The following PCDHGA11 variants were observed in gnomAD, a reference collection of about 807,000 sequenced individuals.
PCDHGA11 encodes protocadherin gamma subfamily A, 11.
A neutral mutation model predicts 60.4 loss-of-function variants in PCDHGA11; 39 were observed. That is an observed-to-expected ratio of 0.65 (90% CI 0.50 to 0.84). The LOEUF (loss-of-function observed/expected upper bound fraction) is 0.84. Ranked by LOEUF, PCDHGA11 falls within the 40% of genes least tolerant of loss-of-function variation. PCDHGA11 has a pLI of 0.00. For synonymous variants in PCDHGA11, 533 were observed against 510.3 expected, an observed-to-expected ratio of 1.04 and a Z score of -0.60; for missense variants, 1,165 against 1,197.7, an observed-to-expected ratio of 0.97 and a Z score of 0.40.
chr5:141,430,930 G>A, intron 1 of PCDHGA11: 2 of 1,607,320 alleles, frequency 1.2e-6, no homozygotes, highest in Non-Finnish European at 1.7e-6. Context: ...TGGAGCCCCG[G>A]GAGCTCGCGG....
At position 141,485,122 on chromosome 5, in the gene PCDHGA11, G is replaced by C. The variant is rs1000179570; in HGVS notation, c.2434-9685G>C. The stretch of plus-strand genomic sequence containing the variant: ...CAGCTGCTGTGGCTGTTTGGGGCGG[G>C]TCGGCTTCATCCGCGTCTCAGGAGC... On this transcript the variant is annotated intron_variant, in intron 1 of 3. Transcript: ENST00000398587. This position sits in a 1 kb window ranked among gnomAD's most constrained non-coding sequence, Gnocchi z 5.7. The C allele has an allele frequency of 4.3e-6, 6 of 1,387,506 alleles. No individual in the cohort carries two copies. In the African/African-American group the frequency reaches 8.5e-5, roughly 20 times the overall value. The allele number at this position is 1,387,506 out of a possible 1,614,324, so 85.9% of individuals were successfully genotyped here. A position where few individuals can be genotyped will look rare whatever the true frequency, so the allele number is the denominator to read the frequency against.
At chr5:141,498,971 G>GGGAGGGAAGGAAGGAAGGAA (rs2099787588) in intron 2 of PCDHGA11, among the ~76,000 whole-genome samples, 11 of 111,048 alleles carry the variant, frequency 9.9e-5, no homozygotes, top group African/African-American at 3.2e-4. Context: ...GAGGGAGGGA[G>GGGAGGGAAGGAAGGAAGGAA]GGAAGGAAGG....
chr5:141,486,552 A>C lies in PCDHGA11; in HGVS notation c.2434-8255A>C. The C allele has an allele frequency of 6.2e-7, 1 of 1,614,136 alleles. No individual in the cohort carries two copies. The highest frequency in any genetic ancestry group is 1.1e-5 in the South Asian group (1 of 91,082). On this transcript the variant is annotated intron_variant, in intron 1 of 3. Coordinates refer to ENST00000398587, the MANE Select transcript of PCDHGA11 (RefSeq NM_018914.3). This position sits in a 1 kb window ranked among gnomAD's most constrained non-coding sequence, Gnocchi z 5.0. The stretch of plus-strand genomic sequence containing the variant: ...CCACCCTCTTTCTTTCAGAGGTCAC[A>C]TGAGGTGTTTGTTCCTGAGAACAAT...
In PCDHGA11 at chr5:141,489,504, A is replaced by G. The variant is rs148241772; in HGVS notation, c.2434-5303A>G. 193 of 1,614,016 alleles carry G rather than the reference A, an allele frequency of 1.2e-4. No individual in the cohort carries two copies. Among genetic ancestry groups the G allele is most frequent in the Non-Finnish European group, 1.6e-4 (184 of 1,180,046 alleles). On this transcript the variant is annotated intron_variant, in intron 1 of 3. Transcript: ENST00000398587. The surrounding 1 kb of genome is among the most constrained non-coding windows in gnomAD (Gnocchi z 4.5). ...TGAGTGGTGCCCTGGCAGTGAATCA[A>G]AAGATTGACCGAGAAAGCCTATGTG...
intron 1 of PCDHGA11, 98 bp downstream of exon 1, chr5:141,423,758 G>GA: frequency 1.1e-5 from 4 of 366,840 alleles, no homozygotes; most frequent in South Asian, 8.5e-5. Flanking sequence ...TTTGGGGGGG[G>GA]GGTGGGGCGG....
At chr5:141,467,941 G>A (rs1173095290) in intron 1 of PCDHGA11, among the ~76,000 whole-genome samples, 4 of 151,984 alleles carry the variant, frequency 2.6e-5, no homozygotes, top group Admixed American at 2.6e-4. Context: ...TTACAAGCAT[G>A]AGCCACCACA....
At position 141,424,003 on chromosome 5, in the gene PCDHGA11, T is replaced by C. The variant is rs150506228; in HGVS notation, c.2433+343T>C. 5.3e-3 allele frequency: 5,614 copies of C among 1,067,752 alleles called. 27 individuals carry two copies. The highest frequency in any genetic ancestry group is 0.01 in the Admixed American group (195 of 19,092). 66.1% of individuals were successfully genotyped at this position (1,067,752 alleles called of 1,614,324 possible). A position where few individuals can be genotyped will look rare whatever the true frequency, so the allele number is the denominator to read the frequency against. ...AGGCTCTCAATTTATTATATATAGA[T>C]ACAAATTAATGATTCACAAACACTT... On this transcript the variant is annotated intron_variant, in intron 1 of 3. Transcript: ENST00000398587.
In PCDHGA11 at chr5:141,486,718, A is replaced by G; in HGVS notation, c.2434-8089A>G. 6.2e-7 allele frequency: 1 copy of G among 1,614,106 alleles called. No individual in the cohort carries two copies. The highest frequency in any genetic ancestry group is 1.7e-5 in the Admixed American group (1 of 60,022). On this transcript the variant is annotated intron_variant, in intron 1 of 3. Coordinates refer to ENST00000398587, the MANE Select transcript of PCDHGA11 (RefSeq NM_018914.3). This position sits in a 1 kb window ranked among gnomAD's most constrained non-coding sequence, Gnocchi z 5.0. Reference sequence around the variant, plus strand: ...TCATCTCTCTGAACCCCCAGACAGGAGCTGTTCATGCTACTCGATCCTTTG... The same window carrying G: ...TCATCTCTCTGAACCCCCAGACAGGGGCTGTTCATGCTACTCGATCCTTTG...
chr5:141,469,376 A>T (rs572466149), intron 1 of PCDHGA11, among the ~76,000 whole-genome samples: 1 of 152,232 alleles, frequency 6.6e-6, no homozygotes, highest in East Asian at 1.9e-4. Flanking sequence ...AGAGATCGAG[A>T]CCATCCTGGC....
rs1264130543 is a variant in PCDHGA11 at position 141,485,467 on chromosome 5, C to T, written c.2434-9340C>T. 2 of 1,614,112 alleles carry T rather than the reference C, an allele frequency of 1.2e-6. No homozygotes were observed. The highest frequency in any genetic ancestry group is 1.7e-6 in the Non-Finnish European group (2 of 1,180,024). On this transcript the variant is annotated intron_variant, in intron 1 of 3. Transcript: ENST00000398587. The surrounding 1 kb of genome is among the most constrained non-coding windows in gnomAD (Gnocchi z 5.7). ...TCGACCGAGAGGCACTGTGTGGGCT[C>T]AGTGCCAGCTGCATCGTGCCCCTGG... is the stretch of plus-strand genomic sequence containing the variant.
chr5:141,511,486 TC>T lies in PCDHGA11; in HGVS notation c.*315del. The T allele has an allele frequency of 2.2e-6, 1 of 449,906 alleles. No homozygotes were observed. 27.9% of individuals were successfully genotyped at this position (449,906 alleles called of 1,614,324 possible). A position where few individuals can be genotyped will look rare whatever the true frequency, so the allele number is the denominator to read the frequency against. On this transcript the variant is annotated 3_prime_UTR_variant, in exon 4 of 4. Transcript: ENST00000398587. ...CCCCGTTTAGTTACAGCTGAACTCC[TC>T]CATCTTCCAAATCAATCAGGCCCAT...
rs1396744157 is a variant in PCDHGA11 at position 141,432,439 on chromosome 5, C to G, written c.2433+8779C>G. 22 of 1,614,108 alleles carry G rather than the reference C, an allele frequency of 1.4e-5. No individual in the cohort carries two copies. The highest frequency in any genetic ancestry group is 1.7e-5 in the Non-Finnish European group (20 of 1,180,052). On this transcript the variant is annotated intron_variant, in intron 1 of 3. Coordinates refer to ENST00000398587, the MANE Select transcript of PCDHGA11 (RefSeq NM_018914.3). This position sits in a 1 kb window ranked among gnomAD's most constrained non-coding sequence, Gnocchi z 6.0. ...TGCTGGACCAGAACGACAATGCGCCCGAGATCCTGTACCCCGCCCTCCCCA... is the reference window on the plus strand; with the variant it reads ...TGCTGGACCAGAACGACAATGCGCCGGAGATCCTGTACCCCGCCCTCCCCA...
rs1384424498 is a variant in PCDHGA11, at chr5:141,431,677, G to A, written c.2433+8017G>A. On this transcript the variant is annotated intron_variant, in intron 1 of 3. Coordinates refer to ENST00000398587, the MANE Select transcript of PCDHGA11 (RefSeq NM_018914.3). This position sits in a 1 kb window ranked among gnomAD's most constrained non-coding sequence, Gnocchi z 4.8. The stretch of plus-strand genomic sequence containing the variant: ...CAGGGACAATATCAACAATAGGGGA[G>A]TTGGACCACGAGGAGTCAGGATTCT... 2 of 1,614,236 alleles carry A rather than the reference G, an allele frequency of 1.2e-6. No homozygotes were observed. The highest frequency in any genetic ancestry group is 1.7e-6 in the Non-Finnish European group (2 of 1,180,050).
intron 1 of PCDHGA11, among the ~76,000 whole-genome samples, chr5:141,470,385 T>C (rs1278833959): frequency 1.3e-5 from 2 of 152,206 alleles, no homozygotes; most frequent in Non-Finnish European, 2.9e-5. Flanking sequence ...GACTACTCGA[T>C]GATATTTAGG....
At position 141,477,284 on chromosome 5, in the gene PCDHGA11, G is replaced by A. The variant is rs751714522; in HGVS notation, c.2434-17523G>A. 5.0e-6 allele frequency: 8 copies of A among 1,614,150 alleles called. No homozygotes were observed. The South Asian group carries it at 6.6e-5, about 13-fold the overall frequency. ...TGGCGAGAACGGGCTGGTGACCTGC[G>A]AAGTTCCACCGGGTCTCCCTTTCAG... On this transcript the variant is annotated intron_variant, in intron 1 of 3. Transcript: ENST00000398587. This position sits in a 1 kb window ranked among gnomAD's most constrained non-coding sequence, Gnocchi z 4.9.
rs758578821 is a variant in PCDHGA11 at position 141,486,659 on chromosome 5, G to C, written c.2434-8148G>C. The C allele has an allele frequency of 6.8e-6, 11 of 1,613,944 alleles. No individual in the cohort carries two copies. The highest frequency in any genetic ancestry group is 8.5e-6 in the Non-Finnish European group (10 of 1,180,026). On this transcript the variant is annotated intron_variant, in intron 1 of 3. Coordinates refer to ENST00000398587, the MANE Select transcript of PCDHGA11 (RefSeq NM_018914.3). The surrounding 1 kb of genome is among the most constrained non-coding windows in gnomAD (Gnocchi z 5.0). ...TGCGCTTATCTCCTACTCACTCCTGGAGCCCAGGAATCGAGATGTATCAGC... is the reference window on the plus strand; with the variant it reads ...TGCGCTTATCTCCTACTCACTCCTGCAGCCCAGGAATCGAGATGTATCAGC...
chr5:141,451,606 G>A (rs2098720118), intron 1 of PCDHGA11, among the ~76,000 whole-genome samples: 1 of 152,152 alleles, frequency 6.6e-6, no homozygotes, highest in Admixed American at 6.5e-5. Flanking sequence ...ACAAGGCTAG[G>A]CATGGTGGCT....
In PCDHGA11 at chr5:141,476,321, G is replaced by GT; in HGVS notation, c.2434-18485dup. ...CCTCTCAGCCCGCAGGTTCCGGGTG[G>GT]TGTCTGGAGCTAGCCGAAGATTCTT... On this transcript the variant is annotated intron_variant, in intron 1 of 3. Coordinates refer to ENST00000398587, the MANE Select transcript of PCDHGA11 (RefSeq NM_018914.3). The surrounding 1 kb of genome is among the most constrained non-coding windows in gnomAD (Gnocchi z 7.6). The GT allele has an allele frequency of 6.2e-7, 1 of 1,614,196 alleles. No individual in the cohort carries two copies. Among genetic ancestry groups the GT allele is most frequent in the Non-Finnish European group, 8.5e-7 (1 of 1,180,050 alleles).
At chr5:141,438,710 G>C (rs568772648) in intron 1 of PCDHGA11, among the ~76,000 whole-genome samples, 2 of 147,308 alleles carry the variant, frequency 1.4e-5, no homozygotes, top group South Asian at 4.3e-4. Context: ...ACCCAGGCTG[G>C]AGTGCAAGTG....
Sources: allele counts gnomAD v4.1 joint callset (sites outside exome capture counted in the v4.1 genomes callset), GRCh38; gene constraint gnomAD v4.1.1; non-coding constraint Gnocchi (gnomAD v3.1); transcripts MANE v1.5; gene names NCBI Gene and HGNC (gene_info 2026-07-23, HGNC 2026-07-21).